The following RAD17 variants were observed in gnomAD, a reference collection of about 807,000 sequenced individuals.
RAD17 encodes cell cycle checkpoint protein RAD17.
In RAD17, 31 loss-of-function variants were observed where a neutral mutation model predicts 81.5. That is an observed-to-expected ratio of 0.38 (90% CI 0.29 to 0.51). RAD17 has a LOEUF of 0.51. Among genes scored for constraint, RAD17 ranks in the 20% least tolerant of loss-of-function variants. The probability of loss-of-function intolerance (pLI) is 0.88; values close to 1 mark genes in which losing one functional copy is unlikely to be tolerated. For synonymous variants in RAD17, 261 were observed against 266.2 expected (o/e 0.98, Z 0.19); for missense variants, 681 against 781.2 (o/e 0.87, Z 1.53).
chr5:69,389,946 T>C (rs2150826512), intron 12 of RAD17, among the ~76,000 whole-genome samples: 1 of 152,318 alleles, frequency 6.6e-6, no homozygotes, highest in Admixed American at 6.5e-5. Context: ...TGAAATTATT[T>C]TTATAATAAT....
intron 5 of RAD17, 59 bp downstream of exon 5, chr5:69,374,146 A>C: frequency 3.6e-6 from 5 of 1,390,554 alleles, no homozygotes; most frequent in Non-Finnish European, 4.0e-6. Flanking sequence ...ATAAGGGTAG[A>C]TGGGAAGCAG....
intron 1 of RAD17, among the ~76,000 whole-genome samples, chr5:69,370,463 C>T (rs575131573): frequency 6.6e-6 from 1 of 152,248 alleles, no homozygotes; most frequent in Non-Finnish European, 1.5e-5. Context: ...CCTTAGCCTC[C>T]AGAGTAGCTG....
chr5:69,369,569 C>T, upstream of RAD17: 1 of 1,606,732 alleles, frequency 6.2e-7, no homozygotes, highest in South Asian at 1.1e-5. Context: ...GGGCGGGCGG[C>T]AGCAAAAGCC....
chr5:69,410,278 A>G (rs886142393), intron 17 of RAD17, among the ~76,000 whole-genome samples: 3 of 152,174 alleles, frequency 2.0e-5, no homozygotes, highest in African/African-American at 4.8e-5. Flanking sequence ...TGAGCAATGC[A>G]CAAGGGTTCC....
At chr5:69,400,418 GT>G (rs918103156) in intron 17 of RAD17, among the ~76,000 whole-genome samples, 2 of 151,596 alleles carry the variant, frequency 1.3e-5, no homozygotes, top group African/African-American at 4.8e-5. Flanking sequence ...GGGTTTCACT[GT>G]ATTAGCCAGG....
At chr5:69,382,563 T>G (rs1379149335) in intron 7 of RAD17, among the ~76,000 whole-genome samples, 1 of 152,246 alleles carries the variant, frequency 6.6e-6, no homozygotes, top group Non-Finnish European at 1.5e-5. Flanking sequence ...TTCTTCTGTT[T>G]GCATTATTTA....
chr5:69,379,126 C>G (rs1464084769), intron 6 of RAD17, among the ~76,000 whole-genome samples: 1 of 152,060 alleles, frequency 6.6e-6, no homozygotes, highest in Non-Finnish European at 1.5e-5. Flanking sequence ...CCTGTAGTCC[C>G]AGCTATATGG....
At position 69,374,047 on chromosome 5, in the gene RAD17, A is replaced by C; in HGVS notation, c.227A>C (p.Glu76Ala). The change falls in exon 5 of 19, where the codon GAA (glutamate) becomes GCA (alanine). Residue 76 changes from glutamate to alanine, a missense_variant. Glu to Ala is a moderately radical substitution (Grantham distance 107). Coordinates refer to ENST00000354868, the MANE Select transcript of RAD17 (RefSeq NM_133338.3). The part of the protein sequence containing the change: ...GLENSKEYLS[E>A]NEPWVDKYKP... ...GAAAATTCAAAAGAATATCTGTCTG[A>C]AAATGAACCATGGGTGGATAAATAT... 1 of 1,610,942 alleles carries C rather than the reference A, an allele frequency of 6.2e-7. No homozygotes were observed.
intron 12 of RAD17, among the ~76,000 whole-genome samples, chr5:69,390,515 A>G (rs570519403): frequency 6.6e-6 from 1 of 152,154 alleles, no homozygotes; most frequent in African/African-American, 2.4e-5. Flanking sequence ...GATCACATGC[A>G]TATTCATAAA....
chr5:69,403,646 A>G (rs1177138670), intron 17 of RAD17, among the ~76,000 whole-genome samples: 6 of 152,212 alleles, frequency 3.9e-5, no homozygotes, highest in Non-Finnish European at 8.8e-5. Context: ...TGGGCCAGGC[A>G]TGGCGGCTCA....
Position 69,389,165 on chromosome 5 carries a change from T to A in RAD17, c.1006+20T>A, listed in dbSNP as rs1455735250. ...CAAAAGGTAACTATGGAAGATACAG[T>A]CATGTGGCATTATATAGGTGACTGA... On this transcript the variant is annotated intron_variant, in intron 12 of 18. Transcript: ENST00000354868. 1.4e-6 allele frequency: 2 copies of A among 1,438,990 alleles called. No individual in the cohort carries two copies. Among genetic ancestry groups the A allele is most frequent in the African/African-American group, 1.4e-5 (1 of 69,506 alleles). 89.1% of individuals were successfully genotyped at this position (1,438,990 alleles called of 1,614,324 possible). A position where few individuals can be genotyped will look rare whatever the true frequency, so the allele number is the denominator to read the frequency against.
chr5:69,390,465 C>CA (rs1230366894), intron 12 of RAD17, among the ~76,000 whole-genome samples: 7 of 149,614 alleles, frequency 4.7e-5, no homozygotes, highest in Non-Finnish European at 3.0e-5. Flanking sequence ...CTTGTCTCTA[C>CA]AAAAAAATTA....
At chr5:69,408,834 C>G (rs1765795698) in intron 17 of RAD17, among the ~76,000 whole-genome samples, 1 of 152,074 alleles carries the variant, frequency 6.6e-6, no homozygotes, top group African/African-American at 2.4e-5. Flanking sequence ...TATCTAATTG[C>G]TCTGTTTTCA....
At chr5:69,406,287 CACAG>C (rs1438737120) in intron 17 of RAD17, among the ~76,000 whole-genome samples, 1 of 152,020 alleles carries the variant, frequency 6.6e-6, no homozygotes, top group Middle Eastern at 3.2e-3. Flanking sequence ...ATAAGCCAGG[CACAG>C]AAAGACAAAT....
At chr5:69,369,448 G>C (rs763618621), upstream of RAD17, 15 of 1,609,618 alleles carry the variant, frequency 9.3e-6, no homozygotes, top group Admixed American at 1.0e-4. Context: ...GTCCCTCCCG[G>C]CCGCGCGCCC....
chr5:69,394,174 G>C (rs1332751810), intron 15 of RAD17, among the ~76,000 whole-genome samples: 1 of 148,310 alleles, frequency 6.7e-6, no homozygotes, highest in Admixed American at 6.9e-5. Flanking sequence ...CCAACCTCAG[G>C]CACTCCCCAT....
Position 69,384,837 on chromosome 5 carries a change from A to G in RAD17, c.549A>G (p.Ala183=), listed in dbSNP as rs758358532. The change falls in exon 8 of 19, where the codon GCA becomes GCG. Residue 183 remains alanine, a synonymous_variant. Coordinates refer to ENST00000354868, the MANE Select transcript of RAD17 (RefSeq NM_133338.3). Reference sequence around the variant, plus strand: ...TGTTTCCCTATCAGTCTCAGATAGCAGTTTTCAAAGAGTTTCTACTAAGAG... The same window carrying G: ...TGTTTCCCTATCAGTCTCAGATAGCGGTTTTCAAAGAGTTTCTACTAAGAG... The part of the protein sequence containing the change: ...FHMFPYQSQI[A]VFKEFLLRAT... The G allele has an allele frequency of 2.5e-6, 4 of 1,612,190 alleles. No homozygotes were observed. Among genetic ancestry groups the G allele is most frequent in the East Asian group, 4.5e-5 (2 of 44,846 alleles).
At chr5:69,401,486 C>T (rs1765262967) in intron 17 of RAD17, among the ~76,000 whole-genome samples, 1 of 124,132 alleles carries the variant, frequency 8.1e-6, no homozygotes, top group South Asian at 2.8e-4. Context: ...TACAAAAATG[C>T]CTATTAATAG....
chr5:69,388,981 T>G (rs1375460470), intron 11 of RAD17, 53 bp from the exon 12 acceptor site: 1 of 940,124 alleles, frequency 1.1e-6, no homozygotes, highest in Non-Finnish European at 1.5e-6. Flanking sequence ...GGTTTTTTGT[T>G]GTTGTTATTT....
Sources: allele counts gnomAD v4.1 joint callset (sites outside exome capture counted in the v4.1 genomes callset), GRCh38; gene constraint gnomAD v4.1.1; transcripts MANE v1.5; gene names NCBI Gene and HGNC (gene_info 2026-07-23, HGNC 2026-07-21).